The following TTC27 variants were observed in gnomAD, a reference collection of about 807,000 sequenced individuals.
The protein encoded by TTC27 is tetratricopeptide repeat domain 27.
In TTC27, 79 loss-of-function variants were observed where a neutral mutation model predicts 115.9. The ratio of observed to expected loss-of-function variants is 0.68; its 90% CI spans 0.57 to 0.82. TTC27 has a LOEUF of 0.82. TTC27 is among the 40% of genes least tolerant of loss of function. TTC27 has a pLI of 0.00. For missense variants in TTC27, 1,054 were observed against 993.1 expected, an observed-to-expected ratio of 1.06 and a Z score of -0.82; for synonymous variants, 401 against 356.0, an observed-to-expected ratio of 1.13 and a Z score of -1.42.
intron 16 of TTC27, among the ~76,000 whole-genome samples, chr2:32,809,049 C>T (rs1449918595): frequency 6.6e-6 from 1 of 152,140 alleles, no homozygotes; most frequent in Non-Finnish European, 1.5e-5. Context: ...GATGATGTAC[C>T]TTGTCAAAAC....
chr2:32,691,858 A>G (rs1282114870), intron 9 of TTC27, among the ~76,000 whole-genome samples: 2 of 151,902 alleles, frequency 1.3e-5, no homozygotes, highest in Non-Finnish European at 2.9e-5. Context: ...GTAAGAAATG[A>G]GAGAACTTTT....
At chr2:32,669,780 G>A (rs1054127643) in intron 7 of TTC27, among the ~76,000 whole-genome samples, 2 of 151,144 alleles carry the variant, frequency 1.3e-5, no homozygotes, top group African/African-American at 2.4e-5. Context: ...CAGCTACTTG[G>A]GAGGCTGAGG....
intron 9 of TTC27, among the ~76,000 whole-genome samples, chr2:32,680,882 C>T (rs528234989): frequency 3.3e-5 from 5 of 152,212 alleles, no homozygotes; most frequent in East Asian, 1.9e-4. Flanking sequence ...GTGTGTGTGG[C>T]GGGGGTTCCC....
intron 5 of TTC27, among the ~76,000 whole-genome samples, chr2:32,655,328 A>T (rs1023824387): frequency 5.3e-5 from 8 of 152,008 alleles, no homozygotes; most frequent in African/African-American, 1.9e-4. Flanking sequence ...AGAGAAATTT[A>T]AAATTCAGAA....
chr2:32,715,181 T>G (rs1667712866), intron 10 of TTC27, among the ~76,000 whole-genome samples: 1 of 152,218 alleles, frequency 6.6e-6, no homozygotes, highest in Admixed American at 6.5e-5. Context: ...TTCTAGGTTA[T>G]CTTCCAGGGA....
chr2:32,669,509 T>C (rs540291936), intron 7 of TTC27, among the ~76,000 whole-genome samples: 5 of 152,230 alleles, frequency 3.3e-5, no homozygotes, highest in African/African-American at 1.2e-4. Flanking sequence ...ATACACCATC[T>C]GTTTAATAAC....
At chr2:32,820,017 G>C (rs1671629183) in intron 19 of TTC27, among the ~76,000 whole-genome samples, 1 of 152,200 alleles carries the variant, frequency 6.6e-6, no homozygotes, top group South Asian at 2.1e-4. Context: ...GATGACATTG[G>C]AGCAGTTCCT....
intron 2 of TTC27, among the ~76,000 whole-genome samples, chr2:32,633,096 T>A (rs1404483054): frequency 6.6e-6 from 1 of 152,246 alleles, no homozygotes; most frequent in African/African-American, 2.4e-5. Flanking sequence ...CAACTTTATA[T>A]CATCACTTTT....
At chr2:32,664,566 C>A in intron 6 of TTC27, 99 bp downstream of exon 6, 1 of 1,040,890 alleles carries the variant, frequency 9.6e-7, no homozygotes, top group Non-Finnish European at 1.4e-6. Context: ...TTTCTATATC[C>A]TATTTGCTTT....
At chr2:32,698,209 C>A (rs1356851537) in intron 9 of TTC27, among the ~76,000 whole-genome samples, 1 of 152,056 alleles carries the variant, frequency 6.6e-6, no homozygotes, top group East Asian at 1.9e-4. Flanking sequence ...TCATGGCTCA[C>A]TGCAGCCTTG....
At chr2:32,729,416 T>G (rs550205311) in intron 10 of TTC27, among the ~76,000 whole-genome samples, 1 of 152,326 alleles carries the variant, frequency 6.6e-6, no homozygotes, top group South Asian at 2.1e-4. Context: ...TTTCTTGGGT[T>G]TTATTCCCCA....
rs769159471 is a variant in TTC27 at position 32,628,303 on chromosome 2, C to A, written c.11C>A (p.Pro4Gln). The A allele has an allele frequency of 1.1e-5, 18 of 1,605,482 alleles. No homozygotes were observed. The highest frequency in any genetic ancestry group is 3.4e-5 in the Admixed American group (2 of 58,174). MWT[P>Q]ELAILRGFPT... The stretch of plus-strand genomic sequence containing the variant: ...GCGGTGTCTGGGGTGATGTGGACCC[C>A]GGAGCTGGCAATTCTGAGGGGATTC... The change falls in exon 1 of 20, where the codon CCG becomes CAG. Residue 4 changes from proline to glutamine, a missense_variant. By Grantham distance (76) the Pro-to-Gln change is moderately conservative. Transcript: ENST00000317907.
intron 16 of TTC27, among the ~76,000 whole-genome samples, chr2:32,810,495 A>G (rs375446353): frequency 2.0e-5 from 3 of 152,282 alleles, no homozygotes; most frequent in African/African-American, 2.4e-5. Flanking sequence ...TGCTCAGGTT[A>G]TTGGCTTTGG....
chr2:32,797,270 C>G lies in TTC27; in HGVS notation c.1998+10121C>G, dbSNP rs1670735639. 2.0e-5 allele frequency among the ~76,000 whole-genome samples: 3 copies of G among 151,940 alleles called. No homozygotes were observed. In the South Asian group the frequency reaches 6.2e-4, roughly 32 times the overall value. On this transcript the variant is annotated intron_variant, in intron 16 of 19. Transcript: ENST00000317907. ...CTTACTGCCACTGCAGCTTTGAACT[C>G]CGGGGCTCAAGCAGCCCTCCTGCCT...
chr2:32,789,173 C>T (rs1670447258), intron 16 of TTC27, among the ~76,000 whole-genome samples: 1 of 152,112 alleles, frequency 6.6e-6, no homozygotes, highest in African/African-American at 2.4e-5. Context: ...GTTATAAAGT[C>T]ATCAAGATAA....
At chr2:32,820,416 G>C (rs1671650468) in intron 19 of TTC27, among the ~76,000 whole-genome samples, 1 of 152,190 alleles carries the variant, frequency 6.6e-6, no homozygotes, top group Non-Finnish European at 1.5e-5. Flanking sequence ...TAATTTTCAA[G>C]TAAGTAGCAT....
chr2:32,783,731 A>C (rs76468022), intron 15 of TTC27, among the ~76,000 whole-genome samples: 158 of 152,392 alleles, frequency 1.0e-3, no homozygotes, highest in African/African-American at 3.7e-3. Context: ...GCAGATGCCA[A>C]ACTCTTTATA....
At chr2:32,705,344 A>G (rs940279295) in intron 10 of TTC27, among the ~76,000 whole-genome samples, 5 of 152,214 alleles carry the variant, frequency 3.3e-5, no homozygotes, top group African/African-American at 1.2e-4. Flanking sequence ...TTTTCTTTAT[A>G]AATTACCAAG....
intron 12 of TTC27, among the ~76,000 whole-genome samples, chr2:32,754,579 A>T (rs949607697): frequency 3.3e-5 from 5 of 149,356 alleles, no homozygotes; most frequent in African/African-American, 1.2e-4. Flanking sequence ...CCGATTTCTC[A>T]ATCTTTTCCC....
Sources: allele counts gnomAD v4.1 joint callset (sites outside exome capture counted in the v4.1 genomes callset), GRCh38; gene constraint gnomAD v4.1.1; transcripts MANE v1.5; gene names NCBI Gene and HGNC (gene_info 2026-07-23, HGNC 2026-07-21).